Variants in ATG10 observed in about 807,000 individuals in gnomAD.
The protein encoded by ATG10 is autophagy related 10.
In ATG10, 30 loss-of-function variants were observed where a neutral mutation model predicts 32.1. The ratio of observed to expected loss-of-function variants is 0.94; its 90% CI spans 0.70 to 1.27. ATG10 has a LOEUF of 1.27. Among genes scored for constraint, ATG10 ranks in the 50% most tolerant of loss-of-function variants. The pLI is 0.00. For synonymous variants in ATG10, 87 were observed against 91.5 expected (o/e 0.95, Z 0.28); for missense variants, 233 against 262.3 (o/e 0.89, Z 0.77).
At position 82,202,730 on chromosome 5, in the gene ATG10, C is replaced by CAGCAAGAG. The variant is rs139652815; in HGVS notation, c.453+24145_453+24152dup. Among the ~76,000 whole-genome samples, 794 of 152,050 alleles carry CAGCAAGAG rather than the reference C, an allele frequency of 5.2e-3. 6 individuals are homozygous for CAGCAAGAG. The highest frequency in any genetic ancestry group is 0.018 in the African/African-American group (749 of 41,384). On this transcript the variant is annotated intron_variant, in intron 5 of 7. Coordinates refer to ENST00000282185, the MANE Select transcript of ATG10 (RefSeq NM_031482.5). ...TGACTAGTACTACTCTTGAGCAAAA[C>CAGCAAGAG]AGCAAGAGAAAAGAAAGAAAAACAA...
At chr5:82,096,812 T>C (rs923428670) in intron 3 of ATG10, among the ~76,000 whole-genome samples, 3 of 152,174 alleles carry the variant, frequency 2.0e-5, no homozygotes, top group African/African-American at 7.2e-5. Context: ...TAATTCCATA[T>C]CCTTTCATAC....
intron 2 of ATG10, among the ~76,000 whole-genome samples, chr5:82,049,474 G>A (rs184221140): frequency 0.021 from 3,157 of 151,660 alleles, 47 homozygotes; most frequent in Non-Finnish European, 0.029. Context: ...TGGGTGCAGC[G>A]CACCAGCATG....
At chr5:82,074,123 G>A (rs1479398728) in intron 3 of ATG10, among the ~76,000 whole-genome samples, 2 of 152,110 alleles carry the variant, frequency 1.3e-5, no homozygotes, top group African/African-American at 4.8e-5. Context: ...TACATTTGAA[G>A]TTCCATATTC....
chr5:82,160,255 A>G (rs1480679514), intron 3 of ATG10, among the ~76,000 whole-genome samples: 4 of 152,220 alleles, frequency 2.6e-5, no homozygotes, highest in Non-Finnish European at 2.9e-5. Flanking sequence ...CAAAAATGTT[A>G]TATAAGTGGA....
chr5:82,115,851 G>A (rs1049724373), intron 3 of ATG10, among the ~76,000 whole-genome samples: 7 of 152,068 alleles, frequency 4.6e-5, no homozygotes, highest in African/African-American at 1.7e-4. Flanking sequence ...AATACAAGTA[G>A]TAGCTTGGGA....
chr5:82,101,185 A>C (rs1765258641), intron 3 of ATG10, among the ~76,000 whole-genome samples: 1 of 152,166 alleles, frequency 6.6e-6, no homozygotes, highest in Non-Finnish European at 1.5e-5. Flanking sequence ...TCTCTTATAT[A>C]AACAGAGTCT....
chr5:82,119,705 C>A (rs546247048), intron 3 of ATG10, among the ~76,000 whole-genome samples: 41 of 152,252 alleles, frequency 2.7e-4, no homozygotes, highest in Non-Finnish European at 5.4e-4. Context: ...AGGTGATCTG[C>A]CTGCCTCGGC....
chr5:82,179,416 T>C (rs999241476), intron 5 of ATG10, among the ~76,000 whole-genome samples: 5 of 152,174 alleles, frequency 3.3e-5, no homozygotes, highest in East Asian at 1.9e-4. Context: ...ATTTGGCTTA[T>C]GTAATCTATA....
chr5:82,038,282 G>A (rs749660166), intron 2 of ATG10, among the ~76,000 whole-genome samples: 11 of 152,196 alleles, frequency 7.2e-5, no homozygotes, highest in Non-Finnish European at 1.2e-4. Context: ...CATGAAATAA[G>A]GCAGTCCATT....
chr5:82,020,173 C>T (rs1218682446), intron 2 of ATG10, among the ~76,000 whole-genome samples: 1 of 152,170 alleles, frequency 6.6e-6, no homozygotes, highest in African/African-American at 2.4e-5. Context: ...TCCCTCCTTC[C>T]AGTTTTTAAG....
intron 3 of ATG10, among the ~76,000 whole-genome samples, chr5:82,137,076 T>C (rs1286498082): frequency 6.6e-6 from 1 of 152,144 alleles, no homozygotes; most frequent in East Asian, 1.9e-4. Flanking sequence ...ATTTGTGTTC[T>C]TCTCTAAACT....
chr5:82,110,882 A>G (rs1765598148), intron 3 of ATG10, among the ~76,000 whole-genome samples: 1 of 152,060 alleles, frequency 6.6e-6, no homozygotes, highest in Non-Finnish European at 1.5e-5. Flanking sequence ...ACATTTATAA[A>G]AAGGAAAAGA....
At chr5:82,038,441 T>C (rs1213929455) in intron 2 of ATG10, among the ~76,000 whole-genome samples, 1 of 152,212 alleles carries the variant, frequency 6.6e-6, no homozygotes, top group East Asian at 1.9e-4. Flanking sequence ...ACAGCCAGAA[T>C]GGCAGGGTCA....
chr5:82,243,750 A>C (rs1380098597), intron 5 of ATG10, among the ~76,000 whole-genome samples: 7 of 152,196 alleles, frequency 4.6e-5, no homozygotes, highest in African/African-American at 1.7e-4. Flanking sequence ...TAATAAGTCA[A>C]GCAAACCAGG....
At chr5:82,050,839 CAAAAAAAAA>C (rs71000881) in intron 2 of ATG10, among the ~76,000 whole-genome samples, 124 of 36,300 alleles carry the variant, frequency 3.4e-3, no homozygotes, top group Admixed American at 6.6e-3. Flanking sequence ...CCATCTCTAC[CAAAAAAAAA>C]AAAAAAAAAA....
At chr5:82,056,163 A>G (rs1337796958) in intron 2 of ATG10, among the ~76,000 whole-genome samples, 1 of 152,186 alleles carries the variant, frequency 6.6e-6, no homozygotes, top group African/African-American at 2.4e-5. Flanking sequence ...TACAATAGAA[A>G]TCTTCTATTT....
chr5:82,188,156 G>A (rs983508894), intron 5 of ATG10, among the ~76,000 whole-genome samples: 1 of 152,098 alleles, frequency 6.6e-6, no homozygotes, highest in African/African-American at 2.4e-5. Context: ...TAGCTAAACA[G>A]GATATATTTC....
chr5:82,164,259 G>T, intron 3 of ATG10, 140 bp from the exon 4 acceptor site: 1 of 790,926 alleles, frequency 1.3e-6, no homozygotes, highest in Non-Finnish European at 2.0e-6. Context: ...ATTAATATGG[G>T]AAACTCCCTT....
intron 2 of ATG10, among the ~76,000 whole-genome samples, chr5:82,055,893 G>A (rs1763578246): frequency 1.3e-5 from 2 of 152,068 alleles, no homozygotes; most frequent in South Asian, 4.1e-4. Context: ...CACAAATTTT[G>A]TTACAATTGC....
Sources: allele counts gnomAD v4.1 joint callset (sites outside exome capture counted in the v4.1 genomes callset), GRCh38; gene constraint gnomAD v4.1.1; transcripts MANE v1.5; gene names NCBI Gene and HGNC (gene_info 2026-07-23, HGNC 2026-07-21).